PDGFD: variants seen among roughly 807,000 people sequenced by gnomAD.
The protein encoded by PDGFD is platelet derived growth factor D.
Under a neutral mutation model 44.7 loss-of-function variants are expected in PDGFD, and 30 were observed. The ratio of observed to expected loss-of-function variants is 0.67; its 90% confidence interval spans 0.50 to 0.91. The LOEUF (loss-of-function observed/expected upper bound fraction) is 0.91. Ranked by LOEUF, PDGFD falls within the 40% of genes least tolerant of loss-of-function variation. PDGFD has a pLI of 0.00. For missense variants in PDGFD, 445 were observed against 457.8 expected (o/e 0.97, Z 0.25); for synonymous variants, 173 against 168.4 (o/e 1.03, Z -0.21).
intron 1 of PDGFD, among the ~76,000 whole-genome samples, chr11:104,133,617 A>G (rs2119850305): frequency 6.6e-6 from 1 of 152,280 alleles, no homozygotes; most frequent in East Asian, 1.9e-4. Context: ...TCTTATTGAC[A>G]TGTTTCACTG....
At chr11:103,959,785 G>C (rs567866619) in intron 3 of PDGFD, among the ~76,000 whole-genome samples, 7 of 152,268 alleles carry the variant, frequency 4.6e-5, no homozygotes, top group African/African-American at 1.7e-4. Context: ...ACCTCCTGGG[G>C]GCAACTGCCT....
At chr11:104,093,233 G>C (rs1162440325) in intron 1 of PDGFD, among the ~76,000 whole-genome samples, 1 of 152,078 alleles carries the variant, frequency 6.6e-6, no homozygotes, top group Non-Finnish European at 1.5e-5. Flanking sequence ...TCAAATTCTA[G>C]AGAAAAGTGA....
intron 1 of PDGFD, among the ~76,000 whole-genome samples, chr11:104,139,082 G>C (rs1030356496): frequency 6.6e-6 from 1 of 151,982 alleles, no homozygotes; most frequent in African/African-American, 2.4e-5. Context: ...AATATTATAC[G>C]GTTTATGGTG....
intron 6 of PDGFD, 24 bp downstream of exon 6, chr11:103,926,888 A>G: frequency 1.9e-6 from 3 of 1,599,900 alleles, no homozygotes; most frequent in Non-Finnish European, 2.6e-6. Context: ...AAGCATTGCA[A>G]CAAGAAATCT....
At chr11:103,943,343 C>A in intron 5 of PDGFD, 109 bp downstream of exon 5, 1 of 1,128,382 alleles carries the variant, frequency 8.9e-7, no homozygotes, top group Non-Finnish European at 1.2e-6. Context: ...AAAAAGCATC[C>A]AAAATCCAAA....
At chr11:104,121,312 G>A (rs200659724) in intron 1 of PDGFD, among the ~76,000 whole-genome samples, 1 of 19,982 alleles carries the variant, frequency 5.0e-5, no homozygotes, top group Non-Finnish European at 8.6e-5. Flanking sequence ...ATTTTAATTC[G>A]TGAAGTAATT....
intron 1 of PDGFD, among the ~76,000 whole-genome samples, chr11:104,119,937 T>A (rs1229933330): frequency 1.5e-5 from 2 of 136,772 alleles, no homozygotes; most frequent in Non-Finnish European, 3.1e-5. Flanking sequence ...ATAATTAAAT[T>A]ATATAATATA....
intron 1 of PDGFD, chr11:104,037,309 C>G: frequency 6.2e-7 from 1 of 1,613,520 alleles, no homozygotes; most frequent in Non-Finnish European, 8.5e-7. Flanking sequence ...GCTCAAGGAA[C>G]GCAACCCTCC....
rs1476589488 is a variant in PDGFD, at chr11:104,102,263, C to T, written c.124+61541G>A. Among the ~76,000 whole-genome samples, 19 of 152,232 alleles carry T rather than the reference C, an allele frequency of 1.2e-4. 1 individual carries two copies. Among genetic ancestry groups the T allele is most frequent in the South Asian group, 8.3e-4 (4 of 4,824 alleles). ...ACAAAGAACCCCATCAAAAAGTGGGCAAAGGATATGAACAGACACTTCTCA... is the reference window on the plus strand; with the variant it reads ...ACAAAGAACCCCATCAAAAAGTGGGTAAAGGATATGAACAGACACTTCTCA... On this transcript the variant is annotated intron_variant, in intron 1 of 6. Coordinates refer to ENST00000393158, the MANE Select transcript of PDGFD (RefSeq NM_025208.5).
intron 1 of PDGFD, among the ~76,000 whole-genome samples, chr11:104,030,717 T>A (rs1420616954): frequency 6.6e-6 from 1 of 151,544 alleles, no homozygotes; most frequent in Non-Finnish European, 1.5e-5. Context: ...GAGAAAGAGG[T>A]CAAGCAAGTG....
intron 5 of PDGFD, among the ~76,000 whole-genome samples, chr11:103,938,681 GT>G (rs1858532676): frequency 6.6e-6 from 1 of 152,188 alleles, no homozygotes; most frequent in South Asian, 2.1e-4. Context: ...GGATTTTATG[GT>G]TTTAGGTCTA....
intron 6 of PDGFD, among the ~76,000 whole-genome samples, chr11:103,912,411 C>T (rs9667299): frequency 0.46 from 69,047 of 151,368 alleles, 15,762 homozygotes; most frequent in South Asian, 0.49. Flanking sequence ...ATAAAATCCT[C>T]TACAGAGAAG....
intron 1 of PDGFD, among the ~76,000 whole-genome samples, chr11:104,084,446 T>C (rs1047843398): frequency 1.3e-5 from 2 of 151,914 alleles, no homozygotes; most frequent in Admixed American, 6.6e-5. Flanking sequence ...CTGAGCTCAG[T>C]ATGTTGAAGA....
chr11:104,124,007 T>TG (rs60459225), intron 1 of PDGFD, among the ~76,000 whole-genome samples: 151,398 of 152,162 alleles, frequency 0.99, 75,323 homozygotes, highest in Middle Eastern at 1. Flanking sequence ...TGAGTTTATA[T>TG]ATATGAAGAA....
chr11:104,113,068 A>G (rs1351568556), intron 1 of PDGFD, among the ~76,000 whole-genome samples: 3 of 152,168 alleles, frequency 2.0e-5, no homozygotes, highest in South Asian at 4.1e-4. Flanking sequence ...CCAAAAGAGG[A>G]TATTATTAAG....
chr11:103,923,533 C>T (rs1244795654), intron 6 of PDGFD, among the ~76,000 whole-genome samples: 2 of 152,188 alleles, frequency 1.3e-5, no homozygotes, highest in African/African-American at 4.8e-5. Flanking sequence ...TTTCACATCT[C>T]ATCAGTTGCA....
chr11:104,104,294 G>A (rs1199820676), intron 1 of PDGFD, among the ~76,000 whole-genome samples: 2 of 151,966 alleles, frequency 1.3e-5, no homozygotes, highest in South Asian at 2.1e-4. Context: ...ATTTGTTATC[G>A]AAGTAAAAAT....
chr11:103,919,908 A>T lies in PDGFD; in HGVS notation c.987+7004T>A, dbSNP rs201711121. Among the ~76,000 whole-genome samples the T allele has an allele frequency of 3.3e-5, 5 of 152,244 alleles. 1 individual carries two copies. The East Asian group carries it at 9.6e-4, about 29-fold the overall frequency. ...TCTCTTTCATGCTTATAGCCTTTAT[A>T]AAAAATGTACACAGAGTCAATATTT... On this transcript the variant is annotated intron_variant, in intron 6 of 6. Transcript: ENST00000393158.
intron 5 of PDGFD, among the ~76,000 whole-genome samples, chr11:103,940,281 G>A (rs1858563552): frequency 6.6e-6 from 1 of 151,974 alleles, no homozygotes; most frequent in Non-Finnish European, 1.5e-5. Flanking sequence ...CTATTTCAGA[G>A]TTCATAAAAC....
Sources: allele counts gnomAD v4.1 joint callset (sites outside exome capture counted in the v4.1 genomes callset), GRCh38; gene constraint gnomAD v4.1.1; transcripts MANE v1.5; gene names NCBI Gene and HGNC (gene_info 2026-07-23, HGNC 2026-07-21).